The following IFT81 variants were observed in gnomAD, a reference collection of about 807,000 sequenced individuals.
IFT81 encodes the protein intraflagellar transport protein 81 homolog.
In IFT81, 72 loss-of-function variants were observed where a neutral mutation model predicts 102.6. That is an observed-to-expected ratio of 0.70 (90% CI 0.58 to 0.85). The LOEUF (loss-of-function observed/expected upper bound fraction) is 0.85, where lower values mean the gene tolerates loss of function less well. Among genes scored for constraint, IFT81 ranks in the 40% least tolerant of loss-of-function variants. The pLI, the probability that IFT81 is intolerant of heterozygous loss-of-function variation, is 0.00. For missense variants in IFT81, 723 were observed against 787.3 expected (o/e 0.92, Z 0.98); for synonymous variants, 237 against 242.7 (o/e 0.98, Z 0.22).
chr12:110,158,915 G>T (rs932661545), intron 10 of IFT81, among the ~76,000 whole-genome samples: 10 of 150,886 alleles, frequency 6.6e-5, no homozygotes, highest in Non-Finnish European at 1.5e-4. Flanking sequence ...GTAGAGATGG[G>T]GTTTCACCAT....
chr12:110,170,292 T>C (rs905526236), intron 11 of IFT81, among the ~76,000 whole-genome samples: 4 of 152,226 alleles, frequency 2.6e-5, no homozygotes, highest in Non-Finnish European at 5.9e-5. Context: ...TGCCAGGCAT[T>C]GTGGTTCATG....
At chr12:110,155,956 G>A (rs1895814911) in intron 10 of IFT81, among the ~76,000 whole-genome samples, 1 of 152,100 alleles carries the variant, frequency 6.6e-6, no homozygotes, top group Non-Finnish European at 1.5e-5. Flanking sequence ...CTCCATTACA[G>A]CTCCATCCCC....
At chr12:110,180,674 A>C in intron 12 of IFT81, 103 bp downstream of exon 12, 4 of 775,640 alleles carry the variant, frequency 5.2e-6, no homozygotes, top group Non-Finnish European at 7.7e-6. Flanking sequence ...AAATGATAAA[A>C]GTATTACTTT....
intron 10 of IFT81, among the ~76,000 whole-genome samples, chr12:110,151,670 G>A (rs1895537068): frequency 6.6e-6 from 1 of 152,112 alleles, no homozygotes; most frequent in Admixed American, 6.5e-5. Context: ...GTTTTGTGGT[G>A]AGAACACTTA....
At position 110,216,552 on chromosome 12, in the gene IFT81, C is replaced by T. The variant is rs186952587; in HGVS notation, c.1849-1492C>T. 763 of 453,228 alleles carry T rather than the reference C, an allele frequency of 1.7e-3. 2 individuals carry two copies. Among genetic ancestry groups the T allele is most frequent in the Non-Finnish European group, 3.1e-3 (702 of 226,502 alleles). 28.1% of individuals were successfully genotyped at this position (453,228 alleles called of 1,614,324 possible). On this transcript the variant is annotated intron_variant, in intron 18 of 18. Transcript: ENST00000242591. ...TTTTTTCCAGAGACGGAATCTCACTCTGTTGCCCAGGCTGGAGTGCAGTGG... is the reference window on the plus strand; with the variant it reads ...TTTTTTCCAGAGACGGAATCTCACTTTGTTGCCCAGGCTGGAGTGCAGTGG...
chr12:110,184,337 G>C (rs190596061), intron 12 of IFT81, among the ~76,000 whole-genome samples: 2 of 152,032 alleles, frequency 1.3e-5, no homozygotes, highest in South Asian at 2.1e-4. Flanking sequence ...GTGACAGAGC[G>C]AGACTCCATC....
intron 11 of IFT81, 111 bp downstream of exon 11, chr12:110,163,176 T>C: frequency 9.1e-6 from 7 of 773,146 alleles, no homozygotes; most frequent in Non-Finnish European, 1.2e-5. Context: ...TTAATCTTAT[T>C]TTATAAAACA....
intron 10 of IFT81, among the ~76,000 whole-genome samples, chr12:110,158,968 C>T (rs565951439): frequency 6.6e-6 from 1 of 151,038 alleles, no homozygotes; most frequent in South Asian, 2.1e-4. Flanking sequence ...GTGATCCGCC[C>T]GCCTCAGCCT....
At chr12:110,164,119 T>C (rs532738592) in intron 11 of IFT81, among the ~76,000 whole-genome samples, 33 of 152,276 alleles carry the variant, frequency 2.2e-4, no homozygotes, top group South Asian at 1.4e-3. Context: ...CTGACATGAT[T>C]AAAATGACCT....
chr12:110,203,782 T>A, intron 14 of IFT81, 82 bp from the exon 15 acceptor site: 1 of 857,176 alleles, frequency 1.2e-6, no homozygotes, highest in South Asian at 1.4e-5. Flanking sequence ...GTTACAAGAC[T>A]GACAAGGGCA....
At chr12:110,217,264 C>T (rs1035197557) in intron 18 of IFT81, among the ~76,000 whole-genome samples, 7 of 152,072 alleles carry the variant, frequency 4.6e-5, no homozygotes, top group Admixed American at 1.3e-4. Context: ...AGGCTGGTCT[C>T]GAACTCCTAA....
chr12:110,179,765 TATATATATAC>T (rs1480866923), intron 11 of IFT81, among the ~76,000 whole-genome samples: 96 of 69,126 alleles, frequency 1.4e-3, no homozygotes, highest in Admixed American at 3.1e-3. Flanking sequence ...TATATATATA[TATATATATAC>T]ACACACACAC....
At chr12:110,139,903 T>TAAAATAAAATAAAATAAAATAAAAA (rs1179529717) in intron 8 of IFT81, among the ~76,000 whole-genome samples, 5 of 136,186 alleles carry the variant, frequency 3.7e-5, no homozygotes, top group Admixed American at 1.4e-4. Flanking sequence ...TAAAATAAAA[T>TAAAATAAAATAAAATAAAATAAAAA]AAAAAATAAA....
Position 110,188,705 on chromosome 12 carries a change from A to G in IFT81, c.1339-2215A>G, listed in dbSNP as rs968284356. Among the ~76,000 whole-genome samples, 6 of 151,494 alleles carry G rather than the reference A, an allele frequency of 4.0e-5. No individual in the cohort carries two copies. The East Asian group carries it at 7.8e-4, about 20-fold the overall frequency. On this transcript the variant is annotated intron_variant, in intron 12 of 18. Transcript: ENST00000242591. ...TTTGAGAAGCCAAGGTGGGTGGATC[A>G]TGAGGTCAGGAGATCAAGACCATCC... is the stretch of plus-strand genomic sequence containing the variant.
intron 8 of IFT81, among the ~76,000 whole-genome samples, chr12:110,139,796 C>CA (rs1445766146): frequency 1.7e-4 from 19 of 109,164 alleles, no homozygotes; most frequent in African/African-American, 7.5e-4. Flanking sequence ...TACATACATA[C>CA]ATACAATAAA....
intron 14 of IFT81, among the ~76,000 whole-genome samples, chr12:110,196,136 C>A (rs1310859832): frequency 6.6e-6 from 1 of 152,100 alleles, no homozygotes; most frequent in African/African-American, 2.4e-5. Context: ...GGTTGCCCAA[C>A]ATTATGAATG....
chr12:110,135,966 A>G (rs1186816890), intron 7 of IFT81, among the ~76,000 whole-genome samples: 1 of 152,030 alleles, frequency 6.6e-6, no homozygotes, highest in African/African-American at 2.4e-5. Context: ...CTTTTGGCCT[A>G]TGCTTACCTC....
At chr12:110,144,007 C>CTTTTT (rs536525073) in intron 9 of IFT81, among the ~76,000 whole-genome samples, 123 of 123,110 alleles carry the variant, frequency 1.0e-3, no homozygotes, top group African/African-American at 1.4e-3. Context: ...CAGGTTATAC[C>CTTTTT]TTTTTTTTTT....
Position 110,218,741 on chromosome 12 carries a change from A to G in IFT81, c.*515A>G, listed in dbSNP as rs1004456090. On this transcript the variant is annotated 3_prime_UTR_variant, in exon 19 of 19. Transcript: ENST00000242591. ...TGACTAACATGTCTTTTCTGTTTGT[A>G]TCATTTAAAGGCAAATAAACTTGGT... is the stretch of plus-strand genomic sequence containing the variant. 3 of 152,280 alleles carry G rather than the reference A, an allele frequency of 2.0e-5. No individual in the cohort carries two copies. Among genetic ancestry groups the G allele is most frequent in the African/African-American group, 7.2e-5 (3 of 41,484 alleles). The allele number at this position is 152,280 out of a possible 1,614,324, so 9.4% of individuals were successfully genotyped here. A position where few individuals can be genotyped will look rare whatever the true frequency, so the allele number is the denominator to read the frequency against.
Sources: gnomAD v4.1 joint callset for allele counts (sites outside exome capture counted in the v4.1 genomes callset) on GRCh38, gnomAD v4.1.1 for gene constraint, MANE v1.5 for transcripts, NCBI Gene and HGNC (gene_info 2026-07-23, HGNC 2026-07-21) for gene names.